The following CCDC148 variants were observed in gnomAD, a reference collection of about 807,000 sequenced individuals.
CCDC148 encodes coiled-coil domain-containing protein 148.
Under a neutral mutation model 85.7 loss-of-function variants are expected in CCDC148, and 89 were observed. The ratio of observed to expected loss-of-function variants is 1.04; its 90% CI spans 0.87 to 1.24. CCDC148 has a LOEUF of 1.24. Among genes scored for constraint, CCDC148 ranks in the 50% most tolerant of loss-of-function variants. The pLI is 0.00. For missense variants in CCDC148, 692 were observed against 671.7 expected, an observed-to-expected ratio of 1.03 and a Z score of -0.33; for synonymous variants, 230 against 213.9, an observed-to-expected ratio of 1.08 and a Z score of -0.66.
In CCDC148 at chr2:158,400,401, G is replaced by A. The variant is rs879850886; in HGVS notation, c.26-41831C>T. Among the ~76,000 whole-genome samples the A allele has an allele frequency of 5.5e-4, 84 of 152,042 alleles. 1 individual carries two copies. The highest frequency in any genetic ancestry group is 1.9e-4 in the African/African-American group (8 of 41,488). On this transcript the variant is annotated intron_variant, in intron 1 of 13. Coordinates refer to ENST00000283233, the MANE Select transcript of CCDC148 (RefSeq NM_138803.4). ...ACAGAACAGAGGTCTCAGAAATAAT[G>A]CCACACATCTACAACCATCTGATCT... is the stretch of plus-strand genomic sequence containing the variant.
At chr2:158,250,492 C>T (rs73966302) in intron 10 of CCDC148, among the ~76,000 whole-genome samples, 7,138 of 148,424 alleles carry the variant, frequency 0.048, 585 homozygotes, top group African/African-American at 0.17. Flanking sequence ...CAAGATTTAA[C>T]AACTGTCACA....
intron 8 of CCDC148, among the ~76,000 whole-genome samples, chr2:158,310,090 T>C (rs1559060854): frequency 6.6e-6 from 1 of 152,216 alleles, no homozygotes; most frequent in Non-Finnish European, 1.5e-5. Flanking sequence ...AGTGTTTGTG[T>C]CTCTGGGTAC....
chr2:158,267,138 T>A (rs1689500854), intron 9 of CCDC148, among the ~76,000 whole-genome samples: 2 of 152,026 alleles, frequency 1.3e-5, no homozygotes, highest in South Asian at 4.1e-4. Flanking sequence ...CCCTCTATTA[T>A]CTGTCAAAGA....
chr2:158,452,901 T>G (rs191261312), intron 1 of CCDC148, among the ~76,000 whole-genome samples: 5 of 152,348 alleles, frequency 3.3e-5, no homozygotes, highest in African/African-American at 9.6e-5. Flanking sequence ...CAGGACAACC[T>G]AGAAGTTTCA....
At chr2:158,286,477 A>C (rs1279385825) in intron 9 of CCDC148, among the ~76,000 whole-genome samples, 1 of 152,218 alleles carries the variant, frequency 6.6e-6, no homozygotes, top group East Asian at 1.9e-4. Flanking sequence ...AACAACCCTC[A>C]ATAGGACTTC....
chr2:158,202,201 A>G (rs1686002244), intron 11 of CCDC148, among the ~76,000 whole-genome samples: 2 of 152,236 alleles, frequency 1.3e-5, no homozygotes, highest in East Asian at 1.9e-4. Flanking sequence ...AAAGTGTTCC[A>G]TACACATACG....
chr2:158,290,553 T>C (rs1004165723), intron 9 of CCDC148, among the ~76,000 whole-genome samples: 2 of 152,194 alleles, frequency 1.3e-5, no homozygotes, highest in African/African-American at 4.8e-5. Flanking sequence ...TTTGACTCAA[T>C]TGCTGTCTTC....
chr2:158,256,435 G>T (rs745702209), intron 9 of CCDC148, among the ~76,000 whole-genome samples: 1 of 151,522 alleles, frequency 6.6e-6, no homozygotes, highest in Non-Finnish European at 1.5e-5. Context: ...TCTTCTCCAC[G>T]CAAAGCTGAC....
At chr2:158,319,488 T>C (rs985439679) in intron 7 of CCDC148, among the ~76,000 whole-genome samples, 4 of 152,234 alleles carry the variant, frequency 2.6e-5, no homozygotes, top group African/African-American at 4.8e-5. Context: ...TCTCTGCTTC[T>C]GGACATTGTT....
intron 11 of CCDC148, among the ~76,000 whole-genome samples, chr2:158,185,153 C>T (rs1685094383): frequency 6.6e-6 from 1 of 152,164 alleles, no homozygotes; most frequent in South Asian, 2.1e-4. Flanking sequence ...GACCTTTCAA[C>T]CCCATTCTTT....
chr2:158,221,838 T>C (rs967229110), intron 10 of CCDC148, among the ~76,000 whole-genome samples: 4 of 151,932 alleles, frequency 2.6e-5, no homozygotes, highest in African/African-American at 9.7e-5. Flanking sequence ...GAGCTCTGGA[T>C]TTAGAGAGAA....
chr2:158,433,404 C>T (rs1214366301), intron 1 of CCDC148, among the ~76,000 whole-genome samples: 1 of 151,788 alleles, frequency 6.6e-6, no homozygotes, highest in Non-Finnish European at 1.5e-5. Context: ...ATCTATGATA[C>T]ATATATCTGA....
At chr2:158,447,941 T>C (rs1559151875) in intron 1 of CCDC148, among the ~76,000 whole-genome samples, 1 of 152,182 alleles carries the variant, frequency 6.6e-6, no homozygotes, top group Non-Finnish European at 1.5e-5. Flanking sequence ...AATTTTGGTA[T>C]TGTATCTAAA....
At chr2:158,323,285 C>A (rs1021472345) in intron 7 of CCDC148, among the ~76,000 whole-genome samples, 26 of 152,254 alleles carry the variant, frequency 1.7e-4, no homozygotes, top group African/African-American at 6.0e-4. Flanking sequence ...ATATAAAATG[C>A]TGACCAGATT....
At chr2:158,242,106 C>T (rs1028158088) in intron 10 of CCDC148, among the ~76,000 whole-genome samples, 15 of 152,184 alleles carry the variant, frequency 9.9e-5, no homozygotes, top group Non-Finnish European at 5.9e-5. Flanking sequence ...ATGGATTCCA[C>T]TGTCACTAGT....
At chr2:158,238,299 C>T (rs1015681313) in intron 10 of CCDC148, among the ~76,000 whole-genome samples, 11 of 151,870 alleles carry the variant, frequency 7.2e-5, no homozygotes, top group Non-Finnish European at 5.9e-5. Context: ...AATGGAGGGA[C>T]TAGCCTTAGA....
chr2:158,332,295 G>C (rs1055559350), intron 7 of CCDC148, among the ~76,000 whole-genome samples: 1 of 151,494 alleles, frequency 6.6e-6, no homozygotes, highest in Non-Finnish European at 1.5e-5. Context: ...TGAAATTCTG[G>C]GTTGAAAATT....
In CCDC148 at chr2:158,406,627, T is replaced by TTTTTTTTG. The variant is rs1559124638; in HGVS notation, c.26-48058_26-48057insCAAAAAAA. ...AGATTAAATTTCTTTTTTTTTTTTT[T>TTTTTTTTG]TTTTTTTTTTTTTGAGACAGTGTCT... On this transcript the variant is annotated intron_variant, in intron 1 of 13. Transcript: ENST00000283233. Among the ~76,000 whole-genome samples the TTTTTTTTG allele has an allele frequency of 3.8e-4, 52 of 135,712 alleles. 2 individuals are homozygous for TTTTTTTTG. Among genetic ancestry groups the TTTTTTTTG allele is most frequent in the Non-Finnish European group, 5.9e-4 (37 of 62,796 alleles). The allele number at this position is 135,712 out of a possible 152,430, so 89.0% of individuals were successfully genotyped here.
chr2:158,368,920 C>T (rs1386400727), intron 1 of CCDC148, among the ~76,000 whole-genome samples: 1 of 151,714 alleles, frequency 6.6e-6, no homozygotes, highest in Non-Finnish European at 1.5e-5. Flanking sequence ...TATTCTTATT[C>T]TTCTCTTTTC....
Sources: allele counts gnomAD v4.1 joint callset (sites outside exome capture counted in the v4.1 genomes callset), GRCh38; gene constraint gnomAD v4.1.1; transcripts MANE v1.5; gene names NCBI Gene and HGNC (gene_info 2026-07-23, HGNC 2026-07-21).